Variants in TULP1 observed in about 807,000 individuals in gnomAD.
The protein encoded by TULP1 is tubby-related protein 1.
TULP1 carries 50 observed loss-of-function variants against 67.1 expected under a neutral mutation model. The observed-to-expected ratio is 0.75, with a 90% confidence interval of 0.59 to 0.94. The LOEUF (loss-of-function observed/expected upper bound fraction) is 0.94. Among genes scored for constraint, TULP1 ranks in the 40% least tolerant of loss-of-function variants. The pLI is 0.00. For synonymous variants in TULP1, 297 were observed against 294.0 expected, an observed-to-expected ratio of 1.01 and a Z score of -0.11; for missense variants, 746 against 734.1, an observed-to-expected ratio of 1.02 and a Z score of -0.19.
intron 8 of TULP1, among the ~76,000 whole-genome samples, chr6:35,508,795 C>T (rs939531764): frequency 5.9e-5 from 9 of 152,178 alleles, no homozygotes; most frequent in Non-Finnish European, 1.2e-4. Context: ...TGAGTGAAAG[C>T]GCCTGGGGAG....
Position 35,511,640 on chromosome 6 carries a change from TCTCTCACCGTC to T in TULP1, c.346_349+7del. 3 of 1,591,114 alleles carry T rather than the reference TCTCTCACCGTC, an allele frequency of 1.9e-6. No homozygotes were observed. Among genetic ancestry groups the T allele is most frequent in the Non-Finnish European group, 2.6e-6 (3 of 1,168,386 alleles). On this transcript the variant is annotated splice_donor_variant and splice_donor_5th_base_variant and coding_sequence_variant and intron_variant, in exon 4 of 15. Transcript: ENST00000229771. LOFTEE classifies it high-confidence loss of function. ...CCCCTCACCCGCGTCCCTGGGGCCC[TCTCTCACCGTC>T]CTCCGCGTCTGGGGCACGGGCTACC...
Position 35,498,302 on chromosome 6 carries a change from T to G in TULP1, c.*25A>C. 6.2e-7 allele frequency: 1 copy of G among 1,610,868 alleles called. No individual in the cohort carries two copies. Among genetic ancestry groups the G allele is most frequent in the Non-Finnish European group, 8.5e-7 (1 of 1,179,236 alleles). On this transcript the variant is annotated 3_prime_UTR_variant, in exon 15 of 15. Transcript: ENST00000229771. This position sits in a 1 kb window ranked among gnomAD's most constrained non-coding sequence, Gnocchi z 6.7. ...TCCTTTCCCCCACGCTGACGGGCTC[T>G]GGGGGCGCTGAGGGGCTGCTGGGGT...
At chr6:35,506,322 G>A (rs1276358898) in intron 8 of TULP1, 43 bp from the exon 9 acceptor site, 48 of 1,550,652 alleles carry the variant, frequency 3.1e-5, no homozygotes, top group Non-Finnish European at 4.2e-5. Flanking sequence ...AGCAGGGGCC[G>A]CATCCCTGGA....
Position 35,509,749 on chromosome 6 carries a change from C to T in TULP1, c.603G>A (p.Gly201=), listed in dbSNP as rs117920214. 373 of 1,614,126 alleles carry T rather than the reference C, an allele frequency of 2.3e-4. 2 individuals are homozygous for T. Among genetic ancestry groups the T allele is most frequent in the Middle Eastern group, 1.2e-3 (7 of 6,062 alleles). ...AGGGGTCCTTGTCGGCCTCCCCAGA[C>T]CCTGCATGTGTGGATGTGAAAGCGT... ...GTKMRKTKKK[G]SGEADKDPSG... is the part of the protein sequence containing the mutation. Residue 201 remains glycine (G), a splice_region_variant and synonymous_variant, in exon 7 of 15, where the codon GGG becomes GGA. Coordinates refer to ENST00000229771, the MANE Select transcript of TULP1 (RefSeq NM_003322.6).
intron 14 of TULP1, among the ~76,000 whole-genome samples, chr6:35,499,099 T>C (rs567890699): frequency 1.3e-5 from 2 of 152,290 alleles, no homozygotes; most frequent in East Asian, 3.9e-4. Flanking sequence ...GCTCGCTCAA[T>C]GTTGGTCCAA....
At chr6:35,501,652 A>G (rs1343557838) in intron 13 of TULP1, among the ~76,000 whole-genome samples, 1 of 151,994 alleles carries the variant, frequency 6.6e-6, no homozygotes. Flanking sequence ...TCTCTACTGA[A>G]AATACAAAAA....
chr6:35,500,436 G>T (rs534081772), intron 13 of TULP1, among the ~76,000 whole-genome samples: 2 of 152,248 alleles, frequency 1.3e-5, no homozygotes, highest in Non-Finnish European at 2.9e-5. Flanking sequence ...GTACCCAGGT[G>T]GTCTTAGGAG....
At chr6:35,499,860 G>A (rs1768791479) in intron 14 of TULP1, 121 bp downstream of exon 14, 3 of 1,248,244 alleles carry the variant, frequency 2.4e-6, no homozygotes. Context: ...CCTGTGGGAT[G>A]TCCCAGCTCT....
Position 35,498,183 on chromosome 6 carries a change from G to T in TULP1, c.*144C>A. ...GCCTGTGCCAGGCTGGGGAGAGGAC[G>T]GAGGTCACCGAGAGGCAGTGAGAGG... On this transcript the variant is annotated 3_prime_UTR_variant, in exon 15 of 15. Transcript: ENST00000229771. The surrounding 1 kb of genome is among the most constrained non-coding windows in gnomAD (Gnocchi z 6.7). 7.4e-7 allele frequency: 1 copy of T among 1,346,510 alleles called. No homozygotes were observed. Among genetic ancestry groups the T allele is most frequent in the Non-Finnish European group, 1.0e-6 (1 of 994,226 alleles). The allele number at this position is 1,346,510 out of a possible 1,614,324, so 83.4% of individuals were successfully genotyped here.
At position 35,511,796 on chromosome 6, in the gene TULP1, C is replaced by G. The variant is rs769453064; in HGVS notation, c.201G>C (p.Thr67=). 6.4e-6 allele frequency: 10 copies of G among 1,561,888 alleles called. No individual in the cohort carries two copies. Among genetic ancestry groups the G allele is most frequent in the African/African-American group, 2.7e-5 (2 of 73,530 alleles). The change falls in exon 4 of 15, where the codon ACG becomes ACC. Residue 67 remains threonine, a synonymous_variant. Coordinates refer to ENST00000229771, the MANE Select transcript of TULP1 (RefSeq NM_003322.6). The stretch of plus-strand genomic sequence containing the variant: ...GGGAAGGCTCCTCCCGCGGCCTCCC[C>G]GTCCGCCCAGCTGAGCCGAGATGCG... ...SKPRKPGAGR[T]GRPREEPSPD...
Position 35,509,859 on chromosome 6 carries a change from T to C in TULP1, c.569A>G (p.Glu190Gly). The part of the protein sequence containing the change: ...RVRNKEAPAG[E>G]GTKMRKTKKK... ...CTTGGTCTTTCTCATCTTGGTCCCC[T>C]CCCCTGCTGGAGCTTCCTTATTCCT... Residue 190 changes from glutamate to glycine, a missense_variant, in exon 6 of 15, where the codon GAG (glutamate) becomes GGG (glycine). Around this residue, in one of 3 missense-constraint regions of TULP1, gnomAD observed 359 missense variants for 341.9 expected, o/e 1.05. Coordinates refer to ENST00000229771, the MANE Select transcript of TULP1 (RefSeq NM_003322.6). 1 of 1,613,910 alleles carries C rather than the reference T, an allele frequency of 6.2e-7. No homozygotes were observed. The highest frequency in any genetic ancestry group is 8.5e-7 in the Non-Finnish European group (1 of 1,179,990).
intron 8 of TULP1, among the ~76,000 whole-genome samples, 193 bp downstream of exon 8, chr6:35,509,016 C>T (rs1761137175): frequency 6.6e-6 from 1 of 152,144 alleles, no homozygotes; most frequent in South Asian, 2.1e-4. Context: ...CCAGTCCTAG[C>T]CTGGTGACCC....
At chr6:35,512,400 T>TGGA (rs1250323651) in intron 2 of TULP1, 130 bp from the exon 3 acceptor site, 2 of 668,390 alleles carry the variant, frequency 3.0e-6, no homozygotes, top group African/African-American at 3.6e-5. Flanking sequence ...GCCCCCTTCT[T>TGGA]GGAGTGAGGC....
intron 4 of TULP1, among the ~76,000 whole-genome samples, chr6:35,511,253 C>G (rs1259387174): frequency 6.6e-6 from 1 of 152,104 alleles, no homozygotes; most frequent in African/African-American, 2.4e-5. Context: ...AATGCCCTCC[C>G]TCTCTCCTCC....
chr6:35,504,268 G>T (rs1370714022), intron 11 of TULP1: 3 of 237,634 alleles, frequency 1.3e-5, no homozygotes, highest in Non-Finnish European at 2.5e-5. Flanking sequence ...GAGCCTGGGA[G>T]GTCGAGGCTG....
intron 13 of TULP1, among the ~76,000 whole-genome samples, chr6:35,502,395 C>T (rs991792636): frequency 2.6e-5 from 4 of 151,928 alleles, no homozygotes; most frequent in Non-Finnish European, 5.9e-5. Flanking sequence ...GATTTTACCA[C>T]GTTGGCCAGG....
rs566730130 is a variant in TULP1 at position 35,507,672 on chromosome 6, G to A, written c.823-1393C>T. ...CCTCATGTTCTATCCCTCACAGGAA[G>A]GGAGCCAAGAGTCTAAGCCCAACTT... On this transcript the variant is annotated intron_variant, in intron 8 of 14. Transcript: ENST00000229771. Among the ~76,000 whole-genome samples the A allele has an allele frequency of 2.1e-4, 32 of 152,284 alleles. No homozygotes were observed. The East Asian group carries it at 5.6e-3, about 27-fold the overall frequency.
intron 11 of TULP1, among the ~76,000 whole-genome samples, chr6:35,505,188 T>C (rs1761056351): frequency 6.6e-6 from 1 of 152,012 alleles, no homozygotes; most frequent in Non-Finnish European, 1.5e-5. Flanking sequence ...CCACCCGCCT[T>C]GGCCTCCCAA....
rs387906835 is a variant in TULP1, at chr6:35,503,757, C to T, written c.1204G>A (p.Glu402Lys). The change falls in exon 12 of 15, where the codon GAG becomes AAG. Residue 402 changes from glutamate (E) to lysine (K), a missense_variant. By Grantham distance (56) the Glu-to-Lys change is moderately conservative. Coordinates refer to ENST00000229771, the MANE Select transcript of TULP1 (RefSeq NM_003322.6). The surrounding 1 kb of genome is among the most constrained non-coding windows in gnomAD (Gnocchi z 4.0). ...YSTNVASLRQ[E>K]LAAVIYETNV... ...CTCACATAGATCACAGCTGCCAGCT[C>T]CTGCCGAAGGCTTGCCACATTAGTG... The T allele has an allele frequency of 6.2e-7, 1 of 1,613,410 alleles. No homozygotes were observed. Among genetic ancestry groups the T allele is most frequent in the Non-Finnish European group, 8.5e-7 (1 of 1,179,750 alleles).
Sources: allele counts gnomAD v4.1 joint callset (sites outside exome capture counted in the v4.1 genomes callset), GRCh38; gene constraint gnomAD v4.1.1; regional missense constraint gnomAD v4.1.1; non-coding constraint Gnocchi (gnomAD v3.1); transcripts MANE v1.5; gene names NCBI Gene and HGNC (gene_info 2026-07-23, HGNC 2026-07-21).